The following ADAM23 variants were observed in gnomAD, a reference collection of about 807,000 sequenced individuals.
The protein encoded by ADAM23 is disintegrin and metalloproteinase domain-containing protein 23.
A neutral mutation model predicts 120.1 loss-of-function variants in ADAM23; 33 were observed. That is an observed-to-expected ratio of 0.27 (90% CI 0.21 to 0.37). The LOEUF (loss-of-function observed/expected upper bound fraction) is 0.37, where lower values mean the gene tolerates loss of function less well. Among genes scored for constraint, ADAM23 ranks in the 10% least tolerant of loss-of-function variants. The pLI is 1.00. For synonymous variants in ADAM23, 367 were observed against 375.2 expected, an observed-to-expected ratio of 0.98 and a Z score of 0.25; for missense variants, 862 against 1,058.2, an observed-to-expected ratio of 0.81 and a Z score of 2.57.
chr2:206,582,527 A>G (rs757680625), intron 18 of ADAM23, among the ~76,000 whole-genome samples: 19 of 152,194 alleles, frequency 1.2e-4, no homozygotes, highest in Non-Finnish European at 2.6e-4. Flanking sequence ...CATTTAGGCC[A>G]TTACATTCAA....
At chr2:206,599,537 T>G (rs1338959231) in intron 24 of ADAM23, among the ~76,000 whole-genome samples, 1 of 152,190 alleles carries the variant, frequency 6.6e-6, no homozygotes, top group Non-Finnish European at 1.5e-5. Context: ...AAACAGAAAC[T>G]AAAAAATTTT....
intron 9 of ADAM23, among the ~76,000 whole-genome samples, chr2:206,554,788 A>C (rs183973128): frequency 4.5e-4 from 69 of 152,268 alleles, no homozygotes; most frequent in African/African-American, 1.3e-3. Flanking sequence ...TAGGCGAAAC[A>C]CTTACAGTTT....
At chr2:206,541,397 A>G (rs1697287973) in intron 4 of ADAM23, among the ~76,000 whole-genome samples, 1 of 152,182 alleles carries the variant, frequency 6.6e-6, no homozygotes, top group Non-Finnish European at 1.5e-5. Context: ...GAGATCCTAT[A>G]TTAGGTAGAT....
chr2:206,552,891 C>T (rs966295984), intron 9 of ADAM23, among the ~76,000 whole-genome samples: 16 of 151,446 alleles, frequency 1.1e-4, no homozygotes, highest in Non-Finnish European at 1.9e-4. Context: ...TGGTGTTGAG[C>T]TCCTGGACTC....
chr2:206,532,132 C>T (rs1473358851), intron 4 of ADAM23, among the ~76,000 whole-genome samples: 4 of 152,090 alleles, frequency 2.6e-5, no homozygotes, highest in South Asian at 2.1e-4. Flanking sequence ...CTAAATCAAG[C>T]GCGGGAACAA....
chr2:206,584,786 G>T (rs1219633758), intron 18 of ADAM23, among the ~76,000 whole-genome samples: 2 of 152,138 alleles, frequency 1.3e-5, no homozygotes. Flanking sequence ...TTGTTAAAAA[G>T]TTCAGCTAGA....
At chr2:206,527,902 T>G (rs1485320374) in intron 3 of ADAM23, among the ~76,000 whole-genome samples, 3 of 152,162 alleles carry the variant, frequency 2.0e-5, no homozygotes, top group Non-Finnish European at 4.4e-5. Context: ...ATAGACCTCC[T>G]GAAAAGTAGC....
intron 15 of ADAM23, among the ~76,000 whole-genome samples, chr2:206,567,991 A>T (rs528917869): frequency 6.6e-6 from 1 of 152,090 alleles, no homozygotes; most frequent in East Asian, 1.9e-4. Context: ...GTATGGGGAA[A>T]CCGCCCCCAT....
chr2:206,486,938 A>G (rs1039570063), intron 3 of ADAM23, among the ~76,000 whole-genome samples: 1 of 152,104 alleles, frequency 6.6e-6, no homozygotes, highest in Non-Finnish European at 1.5e-5. Context: ...TTCTGTCTCC[A>G]TGCATTCGCG....
intron 25 of ADAM23, among the ~76,000 whole-genome samples, chr2:206,614,652 C>CA (rs935600748): frequency 1.2e-3 from 157 of 131,818 alleles, no homozygotes; most frequent in African/African-American, 3.1e-3. Flanking sequence ...AACTCTGTCT[C>CA]AAAAAAAAAA....
chr2:206,451,475 G>A (rs1263549963), intron 2 of ADAM23, among the ~76,000 whole-genome samples: 1 of 152,190 alleles, frequency 6.6e-6, no homozygotes, highest in Non-Finnish European at 1.5e-5. Flanking sequence ...CCTGACCTCA[G>A]GTGATCCGCC....
At chr2:206,525,001 A>G (rs1333929151) in intron 3 of ADAM23, among the ~76,000 whole-genome samples, 1 of 152,116 alleles carries the variant, frequency 6.6e-6, no homozygotes, top group East Asian at 1.9e-4. Context: ...TATACCTTAA[A>G]TTTGGCCTTT....
chr2:206,508,790 A>T (rs996389491), intron 3 of ADAM23, among the ~76,000 whole-genome samples: 5 of 152,198 alleles, frequency 3.3e-5, no homozygotes, highest in Admixed American at 6.5e-5. Flanking sequence ...CAGGTGCTGA[A>T]ATAGGCATTT....
chr2:206,489,011 T>C (rs1048008512), intron 3 of ADAM23, among the ~76,000 whole-genome samples: 7 of 152,164 alleles, frequency 4.6e-5, no homozygotes, highest in African/African-American at 1.7e-4. Context: ...TTTATTTGGC[T>C]AAATGTTTTT....
intron 25 of ADAM23, among the ~76,000 whole-genome samples, chr2:206,615,684 C>T (rs985674121): frequency 6.6e-5 from 10 of 152,192 alleles, no homozygotes; most frequent in Admixed American, 5.2e-4. Flanking sequence ...AGATACAGTT[C>T]TGCAGGATGG....
At chr2:206,559,091 C>A (rs572021757) in intron 10 of ADAM23, among the ~76,000 whole-genome samples, 1 of 152,142 alleles carries the variant, frequency 6.6e-6, no homozygotes, top group African/African-American at 2.4e-5. Context: ...ACTACAGGCG[C>A]CCACCATCAC....
intron 21 of ADAM23, among the ~76,000 whole-genome samples, chr2:206,591,697 C>G (rs936791654): frequency 6.6e-6 from 1 of 152,156 alleles, no homozygotes; most frequent in Non-Finnish European, 1.5e-5. Flanking sequence ...CATAGGGGAT[C>G]TTATCATTGT....
intron 13 of ADAM23, among the ~76,000 whole-genome samples, chr2:206,563,727 CTTTTTTT>C (rs3084932): frequency 0.71 from 100,120 of 140,440 alleles, 35,354 homozygotes; most frequent in African/African-American, 0.78. Flanking sequence ...TCCTAAAATT[CTTTTTTT>C]TTTTTTTTTT....
At chr2:206,474,317 A>G (rs1695728380) in intron 2 of ADAM23, among the ~76,000 whole-genome samples, 1 of 152,182 alleles carries the variant, frequency 6.6e-6, no homozygotes, top group East Asian at 1.9e-4. Flanking sequence ...AGACATGACA[A>G]CTTGAACAAG....
Sources: gnomAD v4.1 joint callset for allele counts (sites outside exome capture counted in the v4.1 genomes callset) on GRCh38, gnomAD v4.1.1 for gene constraint, MANE v1.5 for transcripts, NCBI Gene and HGNC (gene_info 2026-07-23, HGNC 2026-07-21) for gene names.